ADRA1A: variants seen among roughly 807,000 people sequenced by gnomAD.
ADRA1A encodes the protein alpha-1A adrenergic receptor.
Under a neutral mutation model 29.6 loss-of-function variants are expected in ADRA1A, and 31 were observed. The ratio of observed to expected loss-of-function variants is 1.05; its 90% CI spans 0.79 to 1.41. The LOEUF (loss-of-function observed/expected upper bound fraction) is 1.41. Ranked by LOEUF, ADRA1A falls within the 40% of genes most tolerant of loss-of-function variation. The pLI, the probability that ADRA1A is intolerant of heterozygous loss-of-function variation, is 0.00. For missense variants in ADRA1A, 619 were observed against 601.1 expected (o/e 1.03, Z -0.31); for synonymous variants, 311 against 254.3 (o/e 1.22, Z -2.12).
In ADRA1A at chr8:26,866,209, C is replaced by T. The variant is rs1306004592; in HGVS notation, c.-686-554G>A. ...TTCGCACTCGGGTGTGCAGAGCGCA[C>T]CGGTCTGTCCACCAGCCAAGCTGGC... On this transcript the variant is annotated intron_variant, in intron 1 of 2. Coordinates refer to ENST00000380573, the MANE Select transcript of ADRA1A (RefSeq NM_000680.4). The surrounding 1 kb of genome is among the most constrained non-coding windows in gnomAD (Gnocchi z 5.7). 6.6e-6 allele frequency among the ~76,000 whole-genome samples: 1 copy of T among 152,196 alleles called. No homozygotes were observed. The highest frequency in any genetic ancestry group is 2.4e-5 in the African/African-American group (1 of 41,462).
At chr8:26,830,282 G>T (rs948612368) in intron 2 of ADRA1A, among the ~76,000 whole-genome samples, 1 of 152,194 alleles carries the variant, frequency 6.6e-6, no homozygotes, top group Non-Finnish European at 1.5e-5. Context: ...TGCCCTCAAA[G>T]CTTGAAGGCA....
intron 2 of ADRA1A, among the ~76,000 whole-genome samples, chr8:26,829,783 GA>G (rs999168640): frequency 9.3e-5 from 14 of 151,190 alleles, no homozygotes; most frequent in African/African-American, 3.2e-4. Context: ...TTGAAACCTG[GA>G]AAAAAAAATC....
chr8:26,834,129 A>G (rs964467832), intron 2 of ADRA1A, among the ~76,000 whole-genome samples: 1 of 152,214 alleles, frequency 6.6e-6, no homozygotes, highest in African/African-American at 2.4e-5. Flanking sequence ...ATTAGAATGT[A>G]AATATTCTAC....
Position 26,864,591 on chromosome 8 carries a change from C to A in ADRA1A, c.379G>T (p.Gly127Cys). The A allele has an allele frequency of 6.2e-7, 1 of 1,614,064 alleles. No individual in the cohort carries two copies. Among genetic ancestry groups the A allele is most frequent in the Non-Finnish European group, 8.5e-7 (1 of 1,180,010 alleles). Residue 127 changes from glycine (G) to cysteine (C), a missense_variant, in exon 2 of 3, where the codon GGC becomes TGC. By Grantham distance (159) the Gly-to-Cys change is radical. Transcript: ENST00000380573. This position sits in a 1 kb window ranked among gnomAD's most constrained non-coding sequence, Gnocchi z 8.1. ...LCIISIDRYI[G>C]VSYPLRYPTI... is the part of the protein sequence containing the mutation. ...GGGTAGCGCAGCGGGTAGCTCACGC[C>A]GATGTAGCGGTCGATGGAGATGATG...
chr8:26,817,989 G>C (rs910714817), intron 2 of ADRA1A, among the ~76,000 whole-genome samples: 2 of 152,212 alleles, frequency 1.3e-5, no homozygotes, highest in African/African-American at 4.8e-5. Flanking sequence ...TATCCACATA[G>C]TGGAATGTTA....
intron 2 of ADRA1A, among the ~76,000 whole-genome samples, chr8:26,851,342 C>G (rs997532653): frequency 6.6e-6 from 1 of 152,090 alleles, no homozygotes; most frequent in African/African-American, 2.4e-5. Flanking sequence ...AAACAGGAGA[C>G]AAGCTTTCCA....
chr8:26,777,961 A>G (rs1281517972), intron 2 of ADRA1A, among the ~76,000 whole-genome samples: 1 of 152,202 alleles, frequency 6.6e-6, no homozygotes, highest in African/African-American at 2.4e-5. Flanking sequence ...CCAGGCAAGG[A>G]AAGAGGTCAC....
intron 2 of ADRA1A, among the ~76,000 whole-genome samples, chr8:26,789,719 A>G (rs1259323353): frequency 6.6e-6 from 1 of 152,218 alleles, no homozygotes; most frequent in Non-Finnish European, 1.5e-5. Context: ...TATGCATCTG[A>G]CAACAGATTA....
At chr8:26,859,238 CT>C in intron 2 of ADRA1A, 1 of 1,212,976 alleles carries the variant, frequency 8.2e-7, no homozygotes, top group Non-Finnish European at 1.1e-6. Context: ...TATATTTATT[CT>C]TCTGCTCACA....
intron 2 of ADRA1A, among the ~76,000 whole-genome samples, chr8:26,751,022 T>C (rs1474449609): frequency 6.6e-6 from 1 of 151,724 alleles, no homozygotes; most frequent in Admixed American, 6.6e-5. Flanking sequence ...AGAGCCGAGA[T>C]TGTGCTATTG....
At chr8:26,755,490 C>T (rs1160155154), downstream of ADRA1A, among the ~76,000 whole-genome samples, 1 of 152,164 alleles carries the variant, frequency 6.6e-6, no homozygotes, top group East Asian at 1.9e-4. Context: ...GACTGACTTC[C>T]CTGTGCCCCG....
intron 2 of ADRA1A, chr8:26,756,872 T>G: frequency 1.3e-6 from 2 of 1,536,138 alleles, no homozygotes; most frequent in Non-Finnish European, 1.8e-6. Flanking sequence ...TTTATCCTTT[T>G]GTAGAGTAAG....
intron 2 of ADRA1A, among the ~76,000 whole-genome samples, chr8:26,817,781 T>TAAACAA (rs760724609): frequency 3.5e-4 from 54 of 152,136 alleles, no homozygotes; most frequent in Non-Finnish European, 1.5e-4. Flanking sequence ...TTATCTCAGG[T>TAAACAA]AAACAAAAAC....
Position 26,823,628 on chromosome 8 carries a change from C to G in ADRA1A, c.883+40459G>C, listed in dbSNP as rs1383408343. On this transcript the variant is annotated intron_variant, in intron 2 of 2. Coordinates refer to ENST00000380573, the MANE Select transcript of ADRA1A (RefSeq NM_000680.4). This position sits in a 1 kb window ranked among gnomAD's most constrained non-coding sequence, Gnocchi z 4.2. ...TCAACATATTTGTGTCACCACCTAT[C>G]TAAGTGGCACCAGGAAGCCCACCTT... Among the ~76,000 whole-genome samples, 4 of 152,190 alleles carry G rather than the reference C, an allele frequency of 2.6e-5. No individual in the cohort carries two copies. The highest frequency in any genetic ancestry group is 9.7e-5 in the African/African-American group (4 of 41,446).
intron 2 of ADRA1A, among the ~76,000 whole-genome samples, chr8:26,797,786 A>G (rs919382664): frequency 1.3e-5 from 2 of 152,104 alleles, no homozygotes; most frequent in African/African-American, 4.8e-5. Flanking sequence ...TATTGAGGCT[A>G]TGGAGAAGGG....
At chr8:26,862,426 T>C (rs376279931) in intron 2 of ADRA1A, among the ~76,000 whole-genome samples, 1 of 152,254 alleles carries the variant, frequency 6.6e-6, no homozygotes, top group Non-Finnish European at 1.5e-5. Context: ...CATTTTAGGA[T>C]ACAATCATTT....
chr8:26,840,840 G>A (rs1811766251), intron 2 of ADRA1A, among the ~76,000 whole-genome samples: 1 of 152,294 alleles, frequency 6.6e-6, no homozygotes, highest in East Asian at 1.9e-4. Flanking sequence ...AGTGTTATTT[G>A]TGTTATTTCC....
chr8:26,757,727 G>GC (rs1285969287), intron 2 of ADRA1A, among the ~76,000 whole-genome samples: 5 of 152,136 alleles, frequency 3.3e-5, no homozygotes, highest in Non-Finnish European at 7.4e-5. Context: ...TCCAGTAGTT[G>GC]CCCACGCCAA....
At position 26,845,781 on chromosome 8, in the gene ADRA1A, C is replaced by T. The variant is rs567996168; in HGVS notation, c.883+18306G>A. The stretch of plus-strand genomic sequence containing the variant: ...AAAAGGAATGAAGTCCTGAAACATA[C>T]CATAACATGGATGAAGCTTGATAAC... On this transcript the variant is annotated intron_variant, in intron 2 of 2. Transcript: ENST00000380573. Among the ~76,000 whole-genome samples, 8 of 152,172 alleles carry T rather than the reference C, an allele frequency of 5.3e-5. No homozygotes were observed. The South Asian group carries it at 1.7e-3, about 32-fold the overall frequency.
Sources: gnomAD v4.1 joint callset for allele counts (sites outside exome capture counted in the v4.1 genomes callset) on GRCh38, gnomAD v4.1.1 for gene constraint, Gnocchi (gnomAD v3.1) non-coding constraint, MANE v1.5 for transcripts, NCBI Gene and HGNC (gene_info 2026-07-23, HGNC 2026-07-21) for gene names.